Variants in TRIM35 observed in about 807,000 individuals in gnomAD.
The protein encoded by TRIM35 is E3 ubiquitin-protein ligase TRIM35.
TRIM35 carries 37 observed loss-of-function variants against 49.1 expected under a neutral mutation model. The observed-to-expected ratio is 0.75, with a 90% CI of 0.58 to 0.99. The LOEUF (loss-of-function observed/expected upper bound fraction) is 0.99. Among genes scored for constraint, TRIM35 ranks in the 50% least tolerant of loss-of-function variants. The pLI is 0.00. For synonymous variants in TRIM35, 302 were observed against 289.3 expected (o/e 1.04, Z -0.45); for missense variants, 648 against 702.7 (o/e 0.92, Z 0.88).
Position 27,287,788 on chromosome 8 carries a change from G to A in TRIM35, c.1244C>T (p.Pro415Leu), listed in dbSNP as rs1802361997. 2.5e-6 allele frequency: 4 copies of A among 1,610,432 alleles called. No homozygotes were observed. Among genetic ancestry groups the A allele is most frequent in the Non-Finnish European group, 2.5e-6 (3 of 1,178,712 alleles). Residue 415 changes from proline to leucine, a missense_variant, in exon 6 of 6, where the codon CCA (proline) becomes CTA (leucine). Coordinates refer to ENST00000305364, the MANE Select transcript of TRIM35 (RefSeq NM_171982.5). This position sits in a 1 kb window ranked among gnomAD's most constrained non-coding sequence, Gnocchi z 6.0. ...GGCCAGGACCAGGGGCGACGTGGCT[G>A]GGTCCGAGGTCACGCAGTGGTCCCC... ...VEGDHCVTSD[P>L]ATSPLVLAIP... is the part of the protein sequence containing the mutation.
chr8:27,286,564 A>G lies in TRIM35; in HGVS notation c.*986T>C. The G allele has an allele frequency of 4.9e-6, 1 of 204,094 alleles. No homozygotes were observed. The highest frequency in any genetic ancestry group is 1.0e-5 in the Non-Finnish European group (1 of 99,886). The allele number at this position is 204,094 out of a possible 1,614,324, so 12.6% of individuals were successfully genotyped here. A position where few individuals can be genotyped will look rare whatever the true frequency, so the allele number is the denominator to read the frequency against. On this transcript the variant is annotated 3_prime_UTR_variant, in exon 6 of 6. Transcript: ENST00000305364. The stretch of plus-strand genomic sequence containing the variant: ...GGGGAAACAGGCCTGGCAAGGAAAT[A>G]GGCCGAAATCACGATTTAAAAAATG...
intron 1 of TRIM35, among the ~76,000 whole-genome samples, chr8:27,302,593 G>GAGACAGGCTGGACT (rs1802701980): frequency 6.6e-6 from 1 of 152,018 alleles, no homozygotes; most frequent in African/African-American, 2.4e-5. Context: ...ACTTTTTGTA[G>GAGACAGGCTGGACT]AGACAGGCTG....
chr8:27,287,441 G>T lies in TRIM35; in HGVS notation c.*109C>A. On this transcript the variant is annotated 3_prime_UTR_variant, in exon 6 of 6. Coordinates refer to ENST00000305364, the MANE Select transcript of TRIM35 (RefSeq NM_171982.5). This position sits in a 1 kb window ranked among gnomAD's most constrained non-coding sequence, Gnocchi z 6.0. Reference sequence around the variant, plus strand: ...AGGACCAGGCAGGACAGGAGGAAGAGCCTGGCAAGGAGGCAGGGGCGCAAT... The same window carrying T: ...AGGACCAGGCAGGACAGGAGGAAGATCCTGGCAAGGAGGCAGGGGCGCAAT... 2.6e-6 allele frequency: 3 copies of T among 1,174,706 alleles called. No homozygotes were observed. The highest frequency in any genetic ancestry group is 3.5e-6 in the Non-Finnish European group (3 of 847,426). 72.8% of individuals were successfully genotyped at this position (1,174,706 alleles called of 1,614,324 possible).
chr8:27,304,859 A>C, intron 1 of TRIM35: 1 of 453,686 alleles, frequency 2.2e-6, no homozygotes, highest in South Asian at 1.6e-5. Context: ...CTCTTCGGCT[A>C]TCAGGCTCCT....
At chr8:27,307,087 T>A (rs187896277) in intron 1 of TRIM35, among the ~76,000 whole-genome samples, 150 of 152,298 alleles carry the variant, frequency 9.8e-4, no homozygotes, top group Non-Finnish European at 1.9e-4. Flanking sequence ...CTTGTTCAAG[T>A]TTGAGAAACG....
chr8:27,296,875 A>T (rs1415452433), intron 2 of TRIM35, among the ~76,000 whole-genome samples: 1 of 152,066 alleles, frequency 6.6e-6, no homozygotes, highest in East Asian at 1.9e-4. Flanking sequence ...ACTCTCTCCC[A>T]CCAGTTTGTT....
At chr8:27,310,736 G>C (rs1802916085) in intron 1 of TRIM35, 65 bp downstream of exon 1, 2 of 1,489,728 alleles carry the variant, frequency 1.3e-6, no homozygotes, top group African/African-American at 1.4e-5. Context: ...GGCGGGAGCC[G>C]CAGAGCCAAG....
chr8:27,311,170 G>C lies in TRIM35; in HGVS notation c.66C>G (p.Ala22=), dbSNP rs756434461. ...SRSFKEELLC[A]VCYDPFRDAV... is the part of the protein sequence containing the mutation. ...CGTCGCGGAAGGGGTCGTAGCAGACGGCGCAGAGCAACTCCTCCTTGAAGG... is the reference window on the plus strand; with the variant it reads ...CGTCGCGGAAGGGGTCGTAGCAGACCGCGCAGAGCAACTCCTCCTTGAAGG... Residue 22 remains alanine (A), a synonymous_variant, in exon 1 of 6, where the codon GCC becomes GCG. Transcript: ENST00000305364. 3.1e-6 allele frequency: 5 copies of C among 1,607,126 alleles called. No homozygotes were observed. In the African/African-American group the frequency reaches 4.0e-5, roughly 13 times the overall value.
chr8:27,303,725 T>C (rs4054956), intron 1 of TRIM35, among the ~76,000 whole-genome samples: 148,012 of 152,334 alleles, frequency 0.97, 71,935 homozygotes, highest in East Asian at 1. Flanking sequence ...TAGAGTCTCA[T>C]TCTTCTTGTC....
chr8:27,303,656 T>A (rs545828078), intron 1 of TRIM35, among the ~76,000 whole-genome samples: 302 of 152,328 alleles, frequency 2.0e-3, no homozygotes, highest in Non-Finnish European at 3.2e-3. Flanking sequence ...GATGTTAGCA[T>A]CACATTATAA....
intron 1 of TRIM35, among the ~76,000 whole-genome samples, chr8:27,299,066 T>A (rs545031012): frequency 6.6e-6 from 1 of 152,288 alleles, no homozygotes; most frequent in Non-Finnish European, 1.5e-5. Flanking sequence ...CCATGAGGCC[T>A]CACCTCAACA....
rs1252524605 is a variant in TRIM35, at chr8:27,311,133, G to A, written c.103C>T (p.Arg35Cys). Residue 35 changes from arginine (R) to cysteine (C), a missense_variant, in exon 1 of 6, where the codon CGC becomes TGC. Transcript: ENST00000305364. ...CCGCGGCAGAAGTTGTGGCCGCAGCGCAGAGTGACTGCGTCGCGGAAGGGG... is the reference window on the plus strand; with the variant it reads ...CCGCGGCAGAAGTTGTGGCCGCAGCACAGAGTGACTGCGTCGCGGAAGGGG... Reference protein sequence around the residue: ...YDPFRDAVTLRCGHNFCRGCV... With the variant: ...YDPFRDAVTLCCGHNFCRGCV... 6.2e-7 allele frequency: 1 copy of A among 1,602,774 alleles called. No homozygotes were observed. The highest frequency in any genetic ancestry group is 8.5e-7 in the Non-Finnish European group (1 of 1,175,932).
At chr8:27,298,698 T>A in intron 1 of TRIM35, 139 bp from the exon 2 acceptor site, 1 of 695,000 alleles carries the variant, frequency 1.4e-6, no homozygotes, top group Non-Finnish European at 2.6e-6. Context: ...ACCCCATCCA[T>A]GCCAAGTGCT....
intron 4 of TRIM35, 71 bp downstream of exon 4, chr8:27,290,085 G>A (rs955684829): frequency 2.5e-6 from 4 of 1,580,388 alleles, no homozygotes; most frequent in Admixed American, 1.7e-5. Context: ...TTGCCCCGGG[G>A]CCACTGGAGT....
At chr8:27,307,260 G>A (rs988230576) in intron 1 of TRIM35, among the ~76,000 whole-genome samples, 1 of 152,014 alleles carries the variant, frequency 6.6e-6, no homozygotes, top group African/African-American at 2.4e-5. Context: ...TGTCCTGTGG[G>A]ATCTGTCCTG....
At chr8:27,298,590 A>C (rs530783977) in intron 1 of TRIM35, 31 bp from the exon 2 acceptor site, 1 of 1,594,036 alleles carries the variant, frequency 6.3e-7, no homozygotes, top group African/African-American at 1.3e-5. Context: ...AGGGAGGAAG[A>C]CAGGTTAGGG....
At chr8:27,290,300 T>A in intron 3 of TRIM35, 122 bp from the exon 4 acceptor site, 1 of 920,128 alleles carries the variant, frequency 1.1e-6, no homozygotes, top group Non-Finnish European at 1.7e-6. Context: ...GTCAAGATGT[T>A]AACAATAACA....
intron 2 of TRIM35, among the ~76,000 whole-genome samples, chr8:27,298,088 A>G (rs551368098): frequency 5.9e-5 from 9 of 152,288 alleles, no homozygotes; most frequent in Non-Finnish European, 1.5e-5. Flanking sequence ...CATACTTTGG[A>G]GATAGGGGAA....
chr8:27,310,803 G>C lies in TRIM35; in HGVS notation c.433C>G (p.Arg145Gly). The C allele has an allele frequency of 1.3e-6, 2 of 1,583,762 alleles. No homozygotes were observed. The highest frequency in any genetic ancestry group is 1.7e-6 in the Non-Finnish European group (2 of 1,159,836). Residue 145 changes from arginine to glycine, a missense_variant and splice_region_variant, in exon 1 of 6, where the codon CGG becomes GGG. By Grantham distance (125) the Arg-to-Gly change is moderately radical. Transcript: ENST00000305364. Reference protein sequence around the residue: ...QPVKDTAHDFRAKCRNMEHAL... With the variant: ...QPVKDTAHDFGAKCRNMEHAL... Reference sequence around the variant, plus strand: ...CTCGTGCAAATCGCTGCTCTTACCCGAAAGTCGTGGGCAGTGTCCTTCACC... The same window carrying C: ...CTCGTGCAAATCGCTGCTCTTACCCCAAAGTCGTGGGCAGTGTCCTTCACC...
Sources: allele counts gnomAD v4.1 joint callset (sites outside exome capture counted in the v4.1 genomes callset), GRCh38; gene constraint gnomAD v4.1.1; non-coding constraint Gnocchi (gnomAD v3.1); transcripts MANE v1.5; gene names NCBI Gene and HGNC (gene_info 2026-07-23, HGNC 2026-07-21).